PAX5: variants seen among roughly 807,000 people sequenced by gnomAD.
The protein encoded by PAX5 is paired box 5.
PAX5 carries 9 observed loss-of-function variants against 43.7 expected under a neutral mutation model. The observed-to-expected ratio is 0.21, with a 90% CI of 0.12 to 0.36. The LOEUF (loss-of-function observed/expected upper bound fraction) is 0.36. Ranked by LOEUF, PAX5 falls within the 10% of genes least tolerant of loss-of-function variation. The pLI is 1.00. For synonymous variants in PAX5, 228 were observed against 214.3 expected (o/e 1.06, Z -0.56); for missense variants, 383 against 532.7 (o/e 0.72, Z 2.77).
At chr9:37,030,684 T>C (rs1452689998) in intron 1 of PAX5, among the ~76,000 whole-genome samples, 2 of 152,186 alleles carry the variant, frequency 1.3e-5, no homozygotes, top group Non-Finnish European at 2.9e-5. Flanking sequence ...AGACAGCCCA[T>C]TGAGAATAAT....
At chr9:36,932,988 T>C (rs915431277) in intron 6 of PAX5, among the ~76,000 whole-genome samples, 2 of 151,768 alleles carry the variant, frequency 1.3e-5, no homozygotes, top group Non-Finnish European at 2.9e-5. Context: ...AAACCCCATC[T>C]CTACTAAAAA....
intron 7 of PAX5, among the ~76,000 whole-genome samples, chr9:36,895,520 G>A (rs1827788160): frequency 6.6e-6 from 1 of 152,208 alleles, no homozygotes; most frequent in Non-Finnish European, 1.5e-5. Flanking sequence ...ACACCTCAGT[G>A]TTCTCATTTA....
chr9:36,905,590 C>A (rs1391735987), intron 7 of PAX5, among the ~76,000 whole-genome samples: 1 of 152,152 alleles, frequency 6.6e-6, no homozygotes, highest in African/African-American at 2.4e-5. Flanking sequence ...GAGTCAGGGA[C>A]TCCGCATGGC....
chr9:37,018,810 A>G (rs139641122), intron 2 of PAX5, among the ~76,000 whole-genome samples: 2 of 152,200 alleles, frequency 1.3e-5, no homozygotes, highest in East Asian at 3.9e-4. Flanking sequence ...CTAGTGACAA[A>G]TCTATTCCGG....
At chr9:37,029,437 G>T (rs1840745229) in intron 1 of PAX5, among the ~76,000 whole-genome samples, 1 of 152,194 alleles carries the variant, frequency 6.6e-6, no homozygotes. Flanking sequence ...GGGACTCTGG[G>T]GACCCAGGAG....
At chr9:36,965,907 T>C (rs1834385038) in intron 6 of PAX5, among the ~76,000 whole-genome samples, 1 of 152,162 alleles carries the variant, frequency 6.6e-6, no homozygotes, top group Admixed American at 6.5e-5. Context: ...AGCCTCGTGA[T>C]CTCATCTCTA....
intron 5 of PAX5, among the ~76,000 whole-genome samples, chr9:36,971,941 C>T (rs1459139365): frequency 1.3e-5 from 2 of 152,224 alleles, no homozygotes; most frequent in Non-Finnish European, 2.9e-5. Flanking sequence ...AAACCCATTG[C>T]ATTTTCTTCA....
At chr9:36,986,453 A>G (rs1788036678) in intron 5 of PAX5, among the ~76,000 whole-genome samples, 1 of 151,942 alleles carries the variant, frequency 6.6e-6, no homozygotes, top group Non-Finnish European at 1.5e-5. Flanking sequence ...GCCAATGTCA[A>G]TTAAATTGCA....
At chr9:36,955,798 TATATACCC>T (rs143774746) in intron 6 of PAX5, among the ~76,000 whole-genome samples, 8,017 of 140,392 alleles carry the variant, frequency 0.057, 341 homozygotes, top group African/African-American at 0.11. Flanking sequence ...TATATATATA[TATATACCC>T]ACACACACAT....
chr9:36,857,692 T>G (rs1823807823), intron 8 of PAX5, among the ~76,000 whole-genome samples: 1 of 152,180 alleles, frequency 6.6e-6, no homozygotes, highest in South Asian at 2.1e-4. Context: ...TGAGTCAAAG[T>G]GTACTGCCTC....
At chr9:36,878,908 T>G (rs538980452) in intron 8 of PAX5, among the ~76,000 whole-genome samples, 1 of 152,032 alleles carries the variant, frequency 6.6e-6, no homozygotes, top group Non-Finnish European at 1.5e-5. Context: ...TGCTGGGAGA[T>G]GCATGAGAAG....
chr9:37,023,158 G>A (rs1052421451), intron 1 of PAX5, among the ~76,000 whole-genome samples: 2 of 152,194 alleles, frequency 1.3e-5, no homozygotes, highest in African/African-American at 4.8e-5. Flanking sequence ...TGGAAAGGAA[G>A]CAGCAGGTTA....
chr9:36,855,920 T>G (rs1422560493), intron 8 of PAX5, among the ~76,000 whole-genome samples: 1 of 152,232 alleles, frequency 6.6e-6, no homozygotes, highest in Non-Finnish European at 1.5e-5. Flanking sequence ...GAAGGCTTTC[T>G]GGATTAATCA....
At position 37,020,577 on chromosome 9, in the gene PAX5, G is replaced by A. The variant is rs140841490; in HGVS notation, c.212+59C>T. On this transcript the variant is annotated intron_variant, in intron 2 of 9. Coordinates refer to ENST00000358127, the MANE Select transcript of PAX5 (RefSeq NM_016734.3). ...ATACTGTCATATTGGACAGCTGCTG[G>A]GTCATGTTTTAGGTCTTTATTTGAA... 1.3e-4 allele frequency: 205 copies of A among 1,518,608 alleles called. No individual in the cohort carries two copies. In the African/African-American group the frequency reaches 2.4e-3, roughly 17 times the overall value. The allele number at this position is 1,518,608 out of a possible 1,614,324, so 94.1% of individuals were successfully genotyped here. A position where few individuals can be genotyped will look rare whatever the true frequency, so the allele number is the denominator to read the frequency against.
rs576330432 is a variant in PAX5, at chr9:36,854,628, C to T, written c.1013-7699G>A. ...ACTGCACCCACGCCAAGCCTCTCCC[C>T]CTCGCAGGCCAAGGCTTCTCACCGT... On this transcript the variant is annotated intron_variant, in intron 8 of 9. Coordinates refer to ENST00000358127, the MANE Select transcript of PAX5 (RefSeq NM_016734.3). Among the ~76,000 whole-genome samples the T allele has an allele frequency of 2.6e-5, 4 of 152,306 alleles. No individual in the cohort carries two copies. In the East Asian group the frequency reaches 5.8e-4, roughly 22 times the overall value.
chr9:36,942,969 G>A (rs558505691), intron 6 of PAX5, among the ~76,000 whole-genome samples: 4 of 152,272 alleles, frequency 2.6e-5, no homozygotes, highest in South Asian at 2.1e-4. Context: ...CGTAACACCC[G>A]CTGACCCTTG....
chr9:36,939,811 GAA>G (rs1439803064), intron 6 of PAX5, among the ~76,000 whole-genome samples: 2 of 151,842 alleles, frequency 1.3e-5, no homozygotes, highest in African/African-American at 2.4e-5. Context: ...AAAAGCAAGA[GAA>G]AGAGAGAGAG....
chr9:36,843,080 C>CTG (rs557619386), intron 9 of PAX5, among the ~76,000 whole-genome samples: 108 of 150,010 alleles, frequency 7.2e-4, no homozygotes, highest in African/African-American at 2.4e-3. Context: ...GTGTGTGTGC[C>CTG]TGTGTGTGTG....
chr9:37,010,517 T>A (rs1196649993), intron 3 of PAX5, among the ~76,000 whole-genome samples: 1 of 152,192 alleles, frequency 6.6e-6, no homozygotes. Context: ...CACTTAGAAT[T>A]TGAGGTTTAA....
Sources: gnomAD v4.1 joint callset for allele counts (sites outside exome capture counted in the v4.1 genomes callset) on GRCh38, gnomAD v4.1.1 for gene constraint, MANE v1.5 for transcripts, NCBI Gene and HGNC (gene_info 2026-07-23, HGNC 2026-07-21) for gene names.